NPHP4: variants seen among roughly 807,000 people sequenced by gnomAD.
The protein encoded by NPHP4 is nephrocystin-4.
In NPHP4, 151 loss-of-function variants were observed where a neutral mutation model predicts 155.8. That is an observed-to-expected ratio of 0.97 (90% CI 0.85 to 1.11). The LOEUF is 1.11. Among genes scored for constraint, NPHP4 ranks in the 50% least tolerant of loss-of-function variants. NPHP4 has a pLI of 0.00. For synonymous variants in NPHP4, 845 were observed against 816.8 expected (o/e 1.03, Z -0.59); for missense variants, 1,956 against 1,925.7 (o/e 1.02, Z -0.29).
intron 2 of NPHP4, among the ~76,000 whole-genome samples, 182 bp from the exon 3 acceptor site, chr1:5,978,595 T>C (rs1192143615): frequency 6.6e-6 from 1 of 151,954 alleles, no homozygotes; most frequent in Non-Finnish European, 1.5e-5. Context: ...ACCAAAGCAT[T>C]TGGCCCTCCC....
At chr1:5,985,768 A>G (rs184257457) in intron 2 of NPHP4, among the ~76,000 whole-genome samples, 10 of 152,358 alleles carry the variant, frequency 6.6e-5, no homozygotes, top group Admixed American at 2.0e-4. Context: ...GTGAAAATCA[A>G]TACAGATGCT....
intron 3 of NPHP4, among the ~76,000 whole-genome samples, chr1:5,977,643 G>C (rs1343204927): frequency 6.6e-6 from 1 of 150,962 alleles, no homozygotes; most frequent in Non-Finnish European, 1.5e-5. Context: ...AATGTATGCT[G>C]TGCAGTGAAC....
At chr1:5,943,209 C>T (rs1382863034) in intron 9 of NPHP4, among the ~76,000 whole-genome samples, 1 of 152,170 alleles carries the variant, frequency 6.6e-6, no homozygotes. Flanking sequence ...GTTTTAGATG[C>T]TTTGGTTAAC....
At chr1:5,898,438 T>C (rs754619024) in intron 16 of NPHP4, among the ~76,000 whole-genome samples, 8 of 152,212 alleles carry the variant, frequency 5.3e-5, no homozygotes, top group Non-Finnish European at 8.8e-5. Flanking sequence ...CTGGGCTCCT[T>C]GGCTCCTCCA....
intron 6 of NPHP4, among the ~76,000 whole-genome samples, chr1:5,953,708 T>C (rs1648642879): frequency 6.6e-6 from 1 of 152,130 alleles, no homozygotes; most frequent in South Asian, 2.1e-4. Flanking sequence ...AGCAGGCCCA[T>C]GAAAAACCTT....
At chr1:5,917,425 G>A (rs982545204) in intron 11 of NPHP4, among the ~76,000 whole-genome samples, 5 of 152,112 alleles carry the variant, frequency 3.3e-5, no homozygotes, top group African/African-American at 1.2e-4. Context: ...AGGGGGTAGG[G>A]GCATGAGGGA....
In NPHP4 at chr1:5,978,518, A is replaced by T. The variant is rs1462239724; in HGVS notation, c.136-105T>A. On this transcript the variant is annotated intron_variant, in intron 2 of 29. Coordinates refer to ENST00000378156, the MANE Select transcript of NPHP4 (RefSeq NM_015102.5). ...TATGGGGCCACCTCGCTCAGATATC[A>T]GCACGCTGGTTTCCTTATTGGGAGG... The T allele has an allele frequency of 5.5e-6, 6 of 1,090,510 alleles. No individual in the cohort carries two copies. In the African/African-American group the frequency reaches 9.4e-5, roughly 17 times the overall value. 67.6% of individuals were successfully genotyped at this position (1,090,510 alleles called of 1,614,324 possible).
At chr1:5,936,110 T>G (rs183927828) in intron 9 of NPHP4, among the ~76,000 whole-genome samples, 157 of 152,302 alleles carry the variant, frequency 1.0e-3, no homozygotes, top group African/African-American at 3.5e-3. Context: ...TTCACAGTTC[T>G]TTTTGGTTCT....
At chr1:5,950,273 C>G (rs528469034) in intron 7 of NPHP4, among the ~76,000 whole-genome samples, 2 of 152,264 alleles carry the variant, frequency 1.3e-5, no homozygotes, top group African/African-American at 4.8e-5. Context: ...AATATGCCAC[C>G]AATCAAGGAT....
chr1:5,937,625 G>C (rs1646613542), intron 9 of NPHP4, among the ~76,000 whole-genome samples: 1 of 152,108 alleles, frequency 6.6e-6, no homozygotes, highest in South Asian at 2.1e-4. Context: ...GTAATGACAG[G>C]GTGGGGTCCC....
intron 1 of NPHP4, among the ~76,000 whole-genome samples, chr1:5,990,967 A>AATGT (rs1346978227): frequency 1.3e-5 from 2 of 152,200 alleles, no homozygotes; most frequent in Non-Finnish European, 2.9e-5. Flanking sequence ...GCTGTCTTCA[A>AATGT]GCATCTAGAA....
chr1:5,935,018 C>T (rs1389385989), intron 9 of NPHP4, among the ~76,000 whole-genome samples: 1 of 152,146 alleles, frequency 6.6e-6, no homozygotes, highest in East Asian at 1.9e-4. Context: ...CTCTCAAGGC[C>T]TCTAAAATCC....
intron 11 of NPHP4, among the ~76,000 whole-genome samples, chr1:5,926,582 TCAA>T (rs1359619802): frequency 1.3e-5 from 2 of 152,308 alleles, no homozygotes; most frequent in East Asian, 3.9e-4. Context: ...CAGAAAATCA[TCAA>T]CTTCATCAAA....
intron 5 of NPHP4, among the ~76,000 whole-genome samples, chr1:5,963,343 C>T (rs1180387052): frequency 1.3e-5 from 2 of 151,850 alleles, no homozygotes; most frequent in East Asian, 1.9e-4. Flanking sequence ...TGCAGTGAGC[C>T]GAGATTGCAC....
rs539041655 is a variant in NPHP4 at position 5,918,911 on chromosome 1, C to T, written c.1441+8738G>A. On this transcript the variant is annotated intron_variant, in intron 11 of 29. Coordinates refer to ENST00000378156, the MANE Select transcript of NPHP4 (RefSeq NM_015102.5). ...TCAGACCTTCAAGAAACAGGTCTTG[C>T]CTTTTGTTTAAACTATTTTAAAGCC... Among the ~76,000 whole-genome samples, 5 of 152,294 alleles carry T rather than the reference C, an allele frequency of 3.3e-5. No homozygotes were observed. In the South Asian group the frequency reaches 8.3e-4, roughly 25 times the overall value.
At chr1:5,970,048 G>A (rs1032147189) in intron 3 of NPHP4, among the ~76,000 whole-genome samples, 3 of 152,054 alleles carry the variant, frequency 2.0e-5, no homozygotes, top group Admixed American at 6.6e-5. Flanking sequence ...CTCTGCCTCC[G>A]CCTTCCTGCC....
intron 11 of NPHP4, among the ~76,000 whole-genome samples, chr1:5,920,421 G>A (rs1645684348): frequency 6.6e-6 from 1 of 152,156 alleles, no homozygotes. Context: ...GTAGAGATGT[G>A]CTCCAGCTGC....
intron 9 of NPHP4, among the ~76,000 whole-genome samples, chr1:5,946,666 A>T (rs1013694369): frequency 6.6e-6 from 1 of 152,248 alleles, no homozygotes; most frequent in Non-Finnish European, 1.5e-5. Flanking sequence ...TGTGGCTGGT[A>T]GCCCCTAGGT....
chr1:5,933,799 C>T (rs11576617), intron 9 of NPHP4, among the ~76,000 whole-genome samples: 31,292 of 152,180 alleles, frequency 0.21, 3,732 homozygotes, highest in African/African-American at 0.33. Context: ...GTATATTCAA[C>T]TCAGCATTAT....
Sources: gnomAD v4.1 joint callset for allele counts (sites outside exome capture counted in the v4.1 genomes callset) on GRCh38, gnomAD v4.1.1 for gene constraint, MANE v1.5 for transcripts, NCBI Gene and HGNC (gene_info 2026-07-23, HGNC 2026-07-21) for gene names.